Variants in ATP2B3 observed in about 807,000 individuals in gnomAD.
ATP2B3 encodes the protein ATPase plasma membrane Ca2+ transporting 3.
Under a neutral mutation model 70.8 loss-of-function variants are expected in ATP2B3, and 12 were observed. The ratio of observed to expected loss-of-function variants is 0.17; its 90% CI spans 0.11 to 0.27. The LOEUF is 0.27. Ranked by LOEUF, ATP2B3 falls within the 10% of genes least tolerant of loss-of-function variation. ATP2B3 has a pLI of 1.00. For synonymous variants in ATP2B3, 460 were observed against 497.8 expected (o/e 0.92, Z 1.01); for missense variants, 858 against 1,118.5 (o/e 0.77, Z 3.32).
chrX:153,578,030 G>GA (rs2090878199), intron 21 of ATP2B3, among the ~76,000 whole-genome samples: 1 of 111,981 alleles, frequency 8.9e-6, no homozygotes. Flanking sequence ...GAAAGTCACC[G>GA]AAAAAAGGTG....
chrX:153,553,736 C>G (rs1603084329), intron 13 of ATP2B3, among the ~76,000 whole-genome samples: 1 of 113,044 alleles, frequency 8.8e-6, no homozygotes, highest in Admixed American at 9.2e-5. Flanking sequence ...CCCATATGGA[C>G]GATGCCACCA....
At chrX:153,543,410 C>T (rs1228749282) in intron 7 of ATP2B3, among the ~76,000 whole-genome samples, 2 of 112,863 alleles carry the variant, frequency 1.8e-5, no homozygotes, top group Non-Finnish European at 3.8e-5. Flanking sequence ...GACCACCATC[C>T]CCAAAGGCTC....
intron 2 of ATP2B3, among the ~76,000 whole-genome samples, chrX:153,524,549 T>G (rs1424137745): frequency 8.9e-5 from 10 of 111,804 alleles, no homozygotes; most frequent in Non-Finnish European, 1.5e-4. Context: ...GAGATGTGTC[T>G]TAGGGGATAG....
chrX:153,557,157 C>T (rs1317528102), intron 16 of ATP2B3, 134 bp downstream of exon 16: 1 of 642,706 alleles, frequency 1.6e-6, no homozygotes, highest in African/African-American at 2.2e-5. Flanking sequence ...TTCTTTCTTT[C>T]ACATCCTGGC....
chrX:153,523,703 TTTTTTTTTC>T (rs1556998652), intron 2 of ATP2B3, among the ~76,000 whole-genome samples: 1 of 26,661 alleles, frequency 3.8e-5, no homozygotes, highest in Non-Finnish European at 7.5e-5. Flanking sequence ...TTTTTTTTTT[TTTTTTTTTC>T]CCTGAGACAG....
At chrX:153,544,541 A>AC in intron 7 of ATP2B3, among the ~76,000 whole-genome samples, 1 of 110,948 alleles carries the variant, frequency 9.0e-6, no homozygotes, top group East Asian at 2.9e-4. Flanking sequence ...GAGGAAGAGA[A>AC]CCCTGAGGGG....
intron 20 of ATP2B3, among the ~76,000 whole-genome samples, chrX:153,563,901 C>G (rs1490534983): frequency 1.8e-5 from 2 of 112,906 alleles, no homozygotes; most frequent in African/African-American, 6.4e-5. Context: ...TGGCCATGTT[C>G]GACAAATACA....
Position 153,549,534 on chromosome X carries a change from A to G in ATP2B3, c.1376A>G (p.Asp459Gly). Residue 459 changes from aspartate (D) to glycine (G), a missense_variant, in exon 11 of 22, where the codon GAT becomes GGT. This residue lies in a region of ATP2B3 where 23 missense variants were observed against 59.0 expected (regional missense o/e 0.39). Transcript: ENST00000263519. ...GACAACAACCTGGTGCGCCACCTGG[A>G]TGCCTGCGAGACCATGGGCAACGCC... Reference protein sequence around the residue: ...MKDNNLVRHLDACETMGNATA... With the variant: ...MKDNNLVRHLGACETMGNATA... The G allele has an allele frequency of 8.2e-7, 1 of 1,212,134 alleles. No homozygotes were observed.
rs1214261044 is a variant in ATP2B3 at position 153,517,680 on chromosome X, C to G, written c.-442C>G. Reference sequence around the variant, plus strand: ...GAGCCGAGCGCGCCGCGTCGCCCGCCGCCGGTGCAGAGCGTGGGGAGCACT... The same window carrying G: ...GAGCCGAGCGCGCCGCGTCGCCCGCGGCCGGTGCAGAGCGTGGGGAGCACT... On this transcript the variant is annotated 5_prime_UTR_variant, in exon 1 of 22. Coordinates refer to ENST00000263519, the MANE Select transcript of ATP2B3 (RefSeq NM_001001344.3). 9.3e-6 allele frequency: 1 copy of G among 108,072 alleles called. No homozygotes were observed. Among genetic ancestry groups the G allele is most frequent in the Non-Finnish European group, 1.9e-5 (1 of 51,397 alleles). 8.9% of individuals were successfully genotyped at this position (108,072 alleles called of 1,213,427 possible).
chrX:153,524,851 G>A (rs1556999168), intron 2 of ATP2B3, among the ~76,000 whole-genome samples: 1 of 111,991 alleles, frequency 8.9e-6, no homozygotes, highest in Non-Finnish European at 1.9e-5. Context: ...ACTTTGTCAA[G>A]ACCCCCTTCC....
chrX:153,564,844 C>T (rs1454978263), intron 20 of ATP2B3, 77 bp from the exon 21 acceptor site: 9 of 1,009,606 alleles, frequency 8.9e-6, no homozygotes, highest in Non-Finnish European at 1.2e-5. Context: ...CCGGCGTCTC[C>T]CTCTGGAGAG....
At chrX:153,533,638 AG>A (rs1275795541) in intron 2 of ATP2B3, among the ~76,000 whole-genome samples, 13 of 108,454 alleles carry the variant, frequency 1.2e-4, no homozygotes, top group Non-Finnish European at 2.1e-4. Flanking sequence ...TTGCTTGCTG[AG>A]GGGTGGGGAT....
chrX:153,538,089 G>A (rs1340057976), intron 3 of ATP2B3, among the ~76,000 whole-genome samples: 5 of 112,956 alleles, frequency 4.4e-5, no homozygotes, highest in Non-Finnish European at 9.4e-5. Context: ...CAACCCTCAA[G>A]GTCCTCGGGC....
At position 153,553,224 on chromosome X, in the gene ATP2B3, C is replaced by T. The variant is rs782809205; in HGVS notation, c.2013C>T (p.Leu671=). 2.5e-6 allele frequency: 3 copies of T among 1,211,180 alleles called. No homozygotes were observed. The highest frequency in any genetic ancestry group is 2.2e-6 in the Non-Finnish European group (2 of 895,098). ...WDNENEVVGD[L]TCIAVVGIED... Reference sequence around the variant, plus strand: ...ACGAGAATGAGGTCGTGGGTGACCTCACCTGCATAGCTGTCGTGGGCATTG... The same window carrying T: ...ACGAGAATGAGGTCGTGGGTGACCTTACCTGCATAGCTGTCGTGGGCATTG... Residue 671 remains leucine, a synonymous_variant, in exon 13 of 22, where the codon CTC becomes CTT. Transcript: ENST00000263519.
chrX:153,544,827 A>G (rs1557008102), intron 7 of ATP2B3, among the ~76,000 whole-genome samples: 1 of 111,217 alleles, frequency 9.0e-6, no homozygotes, highest in East Asian at 2.9e-4. Flanking sequence ...CTCCTCTTCC[A>G]GCAATGCTCA....
At chrX:153,569,884 C>T (rs1486841254) in intron 21 of ATP2B3, 16 of 777,538 alleles carry the variant, frequency 2.1e-5, no homozygotes, top group Middle Eastern at 4.4e-4. Context: ...CTTTCTTTAC[C>T]GCCCTGTCCA....
At chrX:153,564,327 G>A (rs1244885240) in intron 20 of ATP2B3, among the ~76,000 whole-genome samples, 2 of 112,854 alleles carry the variant, frequency 1.8e-5, no homozygotes, top group African/African-American at 6.4e-5. Flanking sequence ...GGTGTCCAGG[G>A]CTTTTCTTGC....
At chrX:153,562,400 G>A (rs782735595) in intron 20 of ATP2B3, among the ~76,000 whole-genome samples, 158 bp downstream of exon 20, 1 of 112,204 alleles carries the variant, frequency 8.9e-6, no homozygotes, top group East Asian at 2.8e-4. Flanking sequence ...GGGACAGGAC[G>A]CAAGGGAAGG....
chrX:153,527,300 T>C (rs2090049086), intron 2 of ATP2B3, among the ~76,000 whole-genome samples: 1 of 112,489 alleles, frequency 8.9e-6, no homozygotes, highest in African/African-American at 3.2e-5. Flanking sequence ...TCCGTCCCTT[T>C]GTAGGCTAGA....
Sources: allele counts gnomAD v4.1 joint callset (sites outside exome capture counted in the v4.1 genomes callset), GRCh38; gene constraint gnomAD v4.1.1; regional missense constraint gnomAD v4.1.1; transcripts MANE v1.5; gene names NCBI Gene and HGNC (gene_info 2026-07-23, HGNC 2026-07-21).